The following SIPA1L1 variants were observed in gnomAD, a reference collection of about 807,000 sequenced individuals.
The protein encoded by SIPA1L1 is signal-induced proliferation-associated 1-like protein 1.
In SIPA1L1, 26 loss-of-function variants were observed where a neutral mutation model predicts 162.7. The ratio of observed to expected loss-of-function variants is 0.16; its 90% CI spans 0.12 to 0.22. The LOEUF (loss-of-function observed/expected upper bound fraction) is 0.22, where lower values mean the gene tolerates loss of function less well. Among genes scored for constraint, SIPA1L1 ranks in the 10% least tolerant of loss-of-function variants. SIPA1L1 has a pLI of 1.00. For synonymous variants in SIPA1L1, 829 were observed against 837.4 expected (o/e 0.99, Z 0.17); for missense variants, 1,874 against 2,241.0 (o/e 0.84, Z 3.31).
intron 5 of SIPA1L1, among the ~76,000 whole-genome samples, chr14:71,594,625 A>G (rs2035818136): frequency 6.6e-6 from 1 of 152,194 alleles, no homozygotes; most frequent in Non-Finnish European, 1.5e-5. Context: ...GTTGTGTTCT[A>G]CGCTGTTGAA....
intron 2 of SIPA1L1, among the ~76,000 whole-genome samples, chr14:71,436,244 C>T (rs1319897766): frequency 6.6e-6 from 1 of 152,018 alleles, no homozygotes; most frequent in African/African-American, 2.4e-5. Context: ...TGTATTTTGT[C>T]GTTTATGGTA....
At chr14:71,332,497 G>A (rs1285268005) in intron 2 of SIPA1L1, among the ~76,000 whole-genome samples, 6 of 152,136 alleles carry the variant, frequency 3.9e-5, no homozygotes, top group African/African-American at 1.4e-4. Flanking sequence ...TGGTTTCCAA[G>A]GAGATATATC....
At chr14:71,366,015 T>A (rs2038261823) in intron 2 of SIPA1L1, among the ~76,000 whole-genome samples, 2 of 151,870 alleles carry the variant, frequency 1.3e-5, no homozygotes, top group Non-Finnish European at 2.9e-5. Flanking sequence ...CATGAGCCAC[T>A]GTGCCTGGCC....
At chr14:71,441,876 A>G (rs927633060) in intron 2 of SIPA1L1, among the ~76,000 whole-genome samples, 3 of 152,146 alleles carry the variant, frequency 2.0e-5, no homozygotes, top group African/African-American at 7.2e-5. Context: ...GATCAGGAGT[A>G]ACTTAAAATG....
intron 2 of SIPA1L1, among the ~76,000 whole-genome samples, chr14:71,339,358 CT>C (rs2035409523): frequency 7.5e-6 from 1 of 133,218 alleles, no homozygotes; most frequent in African/African-American, 3.0e-5. Flanking sequence ...CTTTACTTTT[CT>C]TTCTTTCTTT....
chr14:71,554,672 T>C (rs576627916), intron 4 of SIPA1L1, among the ~76,000 whole-genome samples: 1 of 152,220 alleles, frequency 6.6e-6, no homozygotes, highest in South Asian at 2.1e-4. Context: ...CTTCATAAAA[T>C]TTTTTGGTGA....
At chr14:71,716,780 C>G (rs149792266) in intron 17 of SIPA1L1, among the ~76,000 whole-genome samples, 1 of 152,200 alleles carries the variant, frequency 6.6e-6, no homozygotes, top group Non-Finnish European at 1.5e-5. Flanking sequence ...TATAAAGCTT[C>G]GCCACAGCTG....
intron 2 of SIPA1L1, among the ~76,000 whole-genome samples, chr14:71,372,802 C>G (rs2039013483): frequency 6.6e-6 from 1 of 152,120 alleles, no homozygotes. Flanking sequence ...TTATGCTTTA[C>G]AAACACAGGA....
chr14:71,532,398 C>G (rs1419974380), intron 4 of SIPA1L1, among the ~76,000 whole-genome samples: 2 of 152,082 alleles, frequency 1.3e-5, no homozygotes, highest in African/African-American at 4.8e-5. Flanking sequence ...TAATGGCATA[C>G]AAAAGGACTT....
At chr14:71,593,604 A>G (rs1320244888) in intron 5 of SIPA1L1, among the ~76,000 whole-genome samples, 1 of 152,210 alleles carries the variant, frequency 6.6e-6, no homozygotes, top group Non-Finnish European at 1.5e-5. Context: ...AATGTTGCCT[A>G]TATCCTGCAT....
intron 12 of SIPA1L1, among the ~76,000 whole-genome samples, chr14:71,680,164 A>G (rs1378542801): frequency 1.3e-5 from 2 of 152,230 alleles, no homozygotes; most frequent in Non-Finnish European, 2.9e-5. Context: ...AAAATTGACC[A>G]CATAGTTGGA....
At chr14:71,738,359 C>A in intron 23 of SIPA1L1, 34 bp downstream of exon 23, 1 of 1,415,152 alleles carries the variant, frequency 7.1e-7, no homozygotes. Context: ...ATTGTCCAGT[C>A]TGTACAAACT....
At chr14:71,380,207 T>C (rs1174846553) in intron 2 of SIPA1L1, among the ~76,000 whole-genome samples, 3 of 152,262 alleles carry the variant, frequency 2.0e-5, no homozygotes. Context: ...ATAATTAACA[T>C]ACTTTTGGAT....
intron 2 of SIPA1L1, among the ~76,000 whole-genome samples, chr14:71,408,499 T>G (rs1475218275): frequency 6.6e-6 from 1 of 152,192 alleles, no homozygotes; most frequent in Non-Finnish European, 1.5e-5. Context: ...CCAGGGCCTT[T>G]ACTTAGTAAC....
intron 7 of SIPA1L1, among the ~76,000 whole-genome samples, chr14:71,626,203 A>C (rs957251334): frequency 6.6e-6 from 1 of 152,218 alleles, no homozygotes; most frequent in Non-Finnish European, 1.5e-5. Context: ...AAAATTTGGC[A>C]ATCAGTCAGT....
At chr14:71,356,850 GT>G (rs1028173088) in intron 2 of SIPA1L1, among the ~76,000 whole-genome samples, 159 of 144,108 alleles carry the variant, frequency 1.1e-3, no homozygotes, top group Admixed American at 1.0e-3. Context: ...AAATTCCAGG[GT>G]TTTTTTTTTT....
Position 71,337,823 on chromosome 14 carries a change from G to A in SIPA1L1, c.-465+16642G>A, listed in dbSNP as rs372174340. Among the ~76,000 whole-genome samples, 71 of 152,248 alleles carry A rather than the reference G, an allele frequency of 4.7e-4. 2 individuals are homozygous for A. The highest frequency in any genetic ancestry group is 1.4e-3 in the African/African-American group (57 of 41,554). On this transcript the variant is annotated intron_variant, in intron 2 of 23. Transcript: ENST00000381232. ...AAGCTAGGCATGGTGATGCATGCCT[G>A]TAGTCCCAGCTGTTCAGGAGGCTGA...
chr14:71,705,398 A>G, intron 16 of SIPA1L1, 58 bp downstream of exon 16: 1 of 1,239,686 alleles, frequency 8.1e-7, no homozygotes, highest in Non-Finnish European at 1.2e-6. Flanking sequence ...CCTTCCTTGC[A>G]CTATGAAAAT....
At chr14:71,658,219 C>G in intron 8 of SIPA1L1, 114 bp from the exon 9 acceptor site, 1 of 635,938 alleles carries the variant, frequency 1.6e-6, no homozygotes, top group Non-Finnish European at 2.7e-6. Context: ...TGTCTAGAAT[C>G]TTTTCATCCT....
Sources: allele counts gnomAD v4.1 joint callset (sites outside exome capture counted in the v4.1 genomes callset), GRCh38; gene constraint gnomAD v4.1.1; transcripts MANE v1.5; gene names NCBI Gene and HGNC (gene_info 2026-07-23, HGNC 2026-07-21).